Variants in ATAD1 observed in about 807,000 individuals in gnomAD.
ATAD1 encodes outer mitochondrial transmembrane helix translocase.
ATAD1 carries 18 observed loss-of-function variants against 42.7 expected under a neutral mutation model. The observed-to-expected ratio is 0.42, with a 90% CI of 0.29 to 0.63. ATAD1 has a LOEUF of 0.63. Among genes scored for constraint, ATAD1 ranks in the 20% least tolerant of loss-of-function variants. The pLI, the probability that ATAD1 is intolerant of heterozygous loss-of-function variation, is 0.19. For synonymous variants in ATAD1, 132 were observed against 143.1 expected (o/e 0.92, Z 0.55); for missense variants, 294 against 440.4 (o/e 0.67, Z 2.98).
At chr10:87,767,799 T>G in intron 7 of ATAD1, 76 bp from the exon 8 acceptor site, 1 of 1,416,936 alleles carries the variant, frequency 7.1e-7, no homozygotes, top group Non-Finnish European at 9.7e-7. Context: ...TTCCTAATAT[T>G]TTGTCCCTTC....
chr10:87,815,884 TA>T (rs1261917396), intron 1 of ATAD1, among the ~76,000 whole-genome samples: 3 of 152,140 alleles, frequency 2.0e-5, no homozygotes, highest in East Asian at 3.9e-4. Context: ...AGGGACTCTA[TA>T]AATAGCTGGA....
chr10:87,798,823 A>G (rs1430787451), intron 2 of ATAD1, among the ~76,000 whole-genome samples: 1 of 152,108 alleles, frequency 6.6e-6, no homozygotes, highest in Non-Finnish European at 1.5e-5. Flanking sequence ...ATTAAAGGCT[A>G]TTTAGCTGAC....
intron 4 of ATAD1, among the ~76,000 whole-genome samples, chr10:87,785,033 T>C (rs1195018309): frequency 2.6e-5 from 4 of 152,222 alleles, no homozygotes; most frequent in South Asian, 2.1e-4. Context: ...GCTTTGATAT[T>C]AGCCTACAGA....
chr10:87,794,725 C>T (rs1333789509), intron 2 of ATAD1, among the ~76,000 whole-genome samples: 1 of 152,038 alleles, frequency 6.6e-6, no homozygotes, highest in Non-Finnish European at 1.5e-5. Context: ...AGCTAGTTGC[C>T]CTGAAAATTT....
intron 2 of ATAD1, among the ~76,000 whole-genome samples, chr10:87,803,472 C>G (rs1190016425): frequency 6.6e-6 from 1 of 152,240 alleles, no homozygotes; most frequent in African/African-American, 2.4e-5. Context: ...AAACGCGTAT[C>G]TGCTTGCCTC....
intron 2 of ATAD1, among the ~76,000 whole-genome samples, chr10:87,811,077 A>G (rs773247679): frequency 7.0e-4 from 107 of 152,206 alleles, no homozygotes; most frequent in Non-Finnish European, 1.4e-3. Flanking sequence ...CCACACCTGT[A>G]ATCTCAGCAC....
chr10:87,814,487 A>T lies in ATAD1; in HGVS notation c.113T>A (p.Val38Glu). 1 of 1,607,024 alleles carries T rather than the reference A, an allele frequency of 6.2e-7. No individual in the cohort carries two copies. Among genetic ancestry groups the T allele is most frequent in the Non-Finnish European group, 8.5e-7 (1 of 1,176,754 alleles). ...CTTTCTGGTTGGATCAATTGCATCT[A>T]CCATCCATTTGATAGTAAAGTATGT... ...AVTYFTIKWM[V>E]DAIDPTRKQK... Residue 38 changes from valine (V) to glutamate (E), a missense_variant, in exon 2 of 10, where the codon GTA becomes GAA. Val to Glu is a moderately radical substitution (Grantham distance 121). Coordinates refer to ENST00000680024, the MANE Select transcript of ATAD1 (RefSeq NM_001321967.2).
In ATAD1 at chr10:87,838,752, C is replaced by T. The variant is rs925478124; in HGVS notation, c.-14+2435G>A. Reference sequence around the variant, plus strand: ...TCATTCATATTCTCTCTCTCTCTCTCTCTCTCTCCTTTTTGTGAGGACATA... The same window carrying T: ...TCATTCATATTCTCTCTCTCTCTCTTTCTCTCTCCTTTTTGTGAGGACATA... On this transcript the variant is annotated intron_variant, in intron 1 of 4. Transcript: ENST00000495903. Among the ~76,000 whole-genome samples, 4 of 152,144 alleles carry T rather than the reference C, an allele frequency of 2.6e-5. No homozygotes were observed. The East Asian group carries it at 7.7e-4, about 29-fold the overall frequency.
intron 1 of ATAD1, among the ~76,000 whole-genome samples, chr10:87,827,989 A>T (rs900462279): frequency 6.6e-6 from 1 of 151,974 alleles, no homozygotes; most frequent in African/African-American, 2.4e-5. Flanking sequence ...ACGGGGTCTT[A>T]CTCTGTTGCC....
At chr10:87,788,417 A>C (rs1855937598) in intron 4 of ATAD1, among the ~76,000 whole-genome samples, 1 of 152,252 alleles carries the variant, frequency 6.6e-6, no homozygotes, top group Admixed American at 6.5e-5. Context: ...AAGTAAATTA[A>C]TGATCTTCAA....
rs544304425 is a variant in ATAD1 at position 87,752,848 on chromosome 10, T to C, written c.*1839A>G. The C allele has an allele frequency of 6.6e-5, 10 of 152,106 alleles. No individual in the cohort carries two copies. The highest frequency in any genetic ancestry group is 1.3e-4 in the Non-Finnish European group (9 of 67,974). The allele number at this position is 152,106 out of a possible 1,614,324, so 9.4% of individuals were successfully genotyped here. A position where few individuals can be genotyped will look rare whatever the true frequency, so the allele number is the denominator to read the frequency against. On this transcript the variant is annotated 3_prime_UTR_variant, in exon 10 of 10. Coordinates refer to ENST00000680024, the MANE Select transcript of ATAD1 (RefSeq NM_001321967.2). ...GAAGAAATTGAATAACCACTCCTAC[T>C]GGATATTGTGAATTTAAGAGAAGAC...
At chr10:87,776,971 C>A (rs564115892) in intron 5 of ATAD1, among the ~76,000 whole-genome samples, 2 of 152,182 alleles carry the variant, frequency 1.3e-5, no homozygotes, top group Admixed American at 1.3e-4. Flanking sequence ...TGTTTTAAAG[C>A]TGAAAACTTT....
At chr10:87,766,504 AGTGT>A (rs1854756959) in intron 8 of ATAD1, among the ~76,000 whole-genome samples, 1 of 152,212 alleles carries the variant, frequency 6.6e-6, no homozygotes, top group Admixed American at 6.5e-5. Flanking sequence ...TGCACAGAAC[AGTGT>A]GTATGTGTTA....
At chr10:87,803,095 G>T (rs975441069) in intron 2 of ATAD1, among the ~76,000 whole-genome samples, 1 of 152,126 alleles carries the variant, frequency 6.6e-6, no homozygotes, top group Admixed American at 6.5e-5. Context: ...TGGACTTCAG[G>T]TAATGTGGCC....
chr10:87,754,763 T>C lies in ATAD1; in HGVS notation c.1010A>G (p.His337Arg), dbSNP rs768894978. Reference protein sequence around the residue: ...EIRPVQQQDLHRAIEKMKKSK... With the variant: ...EIRPVQQQDLRRAIEKMKKSK... ...TTTCTTCATCTTTTCAATTGCCCGA[T>C]GCAGGTCCTGCTGTTGAACAGGCCG... The change falls in exon 10 of 10, where the codon CAT becomes CGT. Residue 337 changes from histidine (H) to arginine (R), a missense_variant. His to Arg is a conservative substitution (Grantham distance 29). Coordinates refer to ENST00000680024, the MANE Select transcript of ATAD1 (RefSeq NM_001321967.2). The C allele has an allele frequency of 1.2e-6, 2 of 1,613,836 alleles. No homozygotes were observed. Among genetic ancestry groups the C allele is most frequent in the Non-Finnish European group, 1.7e-6 (2 of 1,179,814 alleles).
chr10:87,802,643 GAA>G (rs746437720), intron 2 of ATAD1, among the ~76,000 whole-genome samples: 3 of 115,458 alleles, frequency 2.6e-5, no homozygotes, highest in Non-Finnish European at 3.7e-5. Context: ...ACTATGTCAC[GAA>G]AAAAAAAAAA....
At chr10:87,755,781 C>T (rs945599470) in intron 9 of ATAD1, among the ~76,000 whole-genome samples, 2 of 151,870 alleles carry the variant, frequency 1.3e-5, no homozygotes, top group Non-Finnish European at 2.9e-5. Flanking sequence ...TGGTGATGGG[C>T]GCCTATAATC....
chr10:87,823,882 C>T (rs1329430913), intron 1 of ATAD1, among the ~76,000 whole-genome samples: 2 of 152,172 alleles, frequency 1.3e-5, no homozygotes, highest in East Asian at 3.8e-4. Flanking sequence ...AAACCTTCCT[C>T]CTCCCACCCG....
At chr10:87,784,356 G>A (rs1589503460) in intron 5 of ATAD1, 114 bp downstream of exon 5, 1 of 945,086 alleles carries the variant, frequency 1.1e-6, no homozygotes, top group Admixed American at 2.3e-5. Flanking sequence ...TATGATGTTG[G>A]TTATGTTCTT....
Sources: gnomAD v4.1 joint callset for allele counts (sites outside exome capture counted in the v4.1 genomes callset) on GRCh38, gnomAD v4.1.1 for gene constraint, MANE v1.5 for transcripts, NCBI Gene and HGNC (gene_info 2026-07-23, HGNC 2026-07-21) for gene names.